ALG6: variants seen among roughly 807,000 people sequenced by gnomAD.
ALG6 encodes the protein ALG6 alpha-1,3-glucosyltransferase.
In ALG6, 46 loss-of-function variants were observed where a neutral mutation model predicts 66.6. The ratio of observed to expected loss-of-function variants is 0.69; its 90% confidence interval spans 0.55 to 0.88. The LOEUF (loss-of-function observed/expected upper bound fraction) is 0.88. Ranked by LOEUF, ALG6 falls within the 40% of genes least tolerant of loss-of-function variation. The pLI is 0.00. For missense variants in ALG6, 505 were observed against 586.8 expected (o/e 0.86, Z 1.44); for synonymous variants, 185 against 203.7 (o/e 0.91, Z 0.78).
At chr1:63,376,324 A>G (rs1648126601) in intron 2 of ALG6, among the ~76,000 whole-genome samples, 1 of 152,184 alleles carries the variant, frequency 6.6e-6, no homozygotes, top group Admixed American at 6.5e-5. Context: ...TGGGACCATC[A>G]TTGTTTATAC....
At chr1:63,422,139 A>G (rs1391246514) in intron 12 of ALG6, among the ~76,000 whole-genome samples, 55 of 56,090 alleles carry the variant, frequency 9.8e-4, no homozygotes, top group Non-Finnish European at 6.1e-4. Context: ...AAATATATAA[A>G]TATATATAAA....
At chr1:63,410,543 C>T (rs780391247) in intron 7 of ALG6, among the ~76,000 whole-genome samples, 2 of 152,088 alleles carry the variant, frequency 1.3e-5, no homozygotes, top group Admixed American at 6.6e-5. Context: ...GTGTGAGCCA[C>T]GACTTCTGGC....
At chr1:63,432,363 A>G (rs1029964977) in intron 14 of ALG6, among the ~76,000 whole-genome samples, 1 of 152,062 alleles carries the variant, frequency 6.6e-6, no homozygotes, top group Non-Finnish European at 1.5e-5. Flanking sequence ...ATCATGGTGT[A>G]TAATTCTTTT....
chr1:63,423,025 T>TTA lies in ALG6; in HGVS notation c.1058+3586_1058+3587insAT, dbSNP rs577212298. Among the ~76,000 whole-genome samples, 7 of 9,552 alleles carry TTA rather than the reference T, an allele frequency of 7.3e-4. No individual in the cohort carries two copies. In the African/African-American group the frequency reaches 8.6e-3, roughly 12 times the overall value. The allele number at this position is 9,552 out of a possible 152,430, so 6.3% of individuals were successfully genotyped here. ...CTAAAGACAAGTAGGGATAATGCAA[T>TTA]TTTTTTTTTTTTTTTTGAGGCAGGG... On this transcript the variant is annotated intron_variant, in intron 12 of 14. Coordinates refer to ENST00000263440, the MANE Select transcript of ALG6 (RefSeq NM_013339.4).
intron 7 of ALG6, among the ~76,000 whole-genome samples, chr1:63,410,224 A>T (rs1369899251): frequency 6.6e-6 from 1 of 152,012 alleles, no homozygotes; most frequent in African/African-American, 2.4e-5. Flanking sequence ...ATTATAACAG[A>T]TCCTCCCATT....
intron 11 of ALG6, 139 bp from the exon 12 acceptor site, chr1:63,419,231 G>T (rs1644561196): frequency 1.4e-6 from 1 of 715,950 alleles, no homozygotes; most frequent in African/African-American, 1.8e-5. Flanking sequence ...TACTAGTGTT[G>T]TTTGTATTTT....
chr1:63,389,737 A>G (rs1226727388), intron 2 of ALG6, among the ~76,000 whole-genome samples: 1 of 152,154 alleles, frequency 6.6e-6, no homozygotes, highest in Non-Finnish European at 1.5e-5. Flanking sequence ...CAAGTATTCA[A>G]AGGGAGTTGA....
rs60383332 is a variant in ALG6, at chr1:63,429,850, AGT to A, written c.1326+757_1326+758del. On this transcript the variant is annotated intron_variant, in intron 14 of 14. Coordinates refer to ENST00000263440, the MANE Select transcript of ALG6 (RefSeq NM_013339.4). Reference sequence around the variant, plus strand: ...TCTTTATGACTCGGTTCTTTCACTTAGTGTGTGTGTGTGTGTGTGTGTGTGTG... The same window carrying A: ...TCTTTATGACTCGGTTCTTTCACTTAGTGTGTGTGTGTGTGTGTGTGTGTG... 7.4e-3 allele frequency: 1,062 copies of A among 144,330 alleles called. 6 individuals are homozygous for A. Among genetic ancestry groups the A allele is most frequent in the African/African-American group, 0.012 (452 of 38,856 alleles). The allele number at this position is 144,330 out of a possible 1,614,324, so 8.9% of individuals were successfully genotyped here.
At chr1:63,396,714 T>G in intron 3 of ALG6, 117 bp downstream of exon 3, 1 of 887,400 alleles carries the variant, frequency 1.1e-6, no homozygotes. Context: ...TCTTGCATGC[T>G]GGTGCCACAT....
chr1:63,386,823 C>A (rs1570043530), intron 2 of ALG6, among the ~76,000 whole-genome samples: 1 of 152,098 alleles, frequency 6.6e-6, no homozygotes, highest in African/African-American at 2.4e-5. Flanking sequence ...ATTTCTTCTA[C>A]TAATTTTCTG....
intron 9 of ALG6, 104 bp downstream of exon 9, chr1:63,412,165 C>T (rs773533838): frequency 4.2e-5 from 63 of 1,501,788 alleles, no homozygotes; most frequent in Non-Finnish European, 5.4e-5. Flanking sequence ...AGCTACTTTC[C>T]TCCTGTAATC....
chr1:63,385,852 A>G (rs1006650395), intron 2 of ALG6, among the ~76,000 whole-genome samples: 2 of 145,570 alleles, frequency 1.4e-5, no homozygotes, highest in Non-Finnish European at 3.0e-5. Flanking sequence ...TAACAGCACT[A>G]TGTTGAATAA....
intron 2 of ALG6, among the ~76,000 whole-genome samples, chr1:63,389,777 A>G (rs1370997818): frequency 6.6e-6 from 1 of 152,128 alleles, no homozygotes; most frequent in Admixed American, 6.5e-5. Context: ...CTGCAGCCAT[A>G]TTTGCATTAG....
At chr1:63,373,893 AT>A (rs1648023328) in intron 2 of ALG6, among the ~76,000 whole-genome samples, 1 of 152,002 alleles carries the variant, frequency 6.6e-6, no homozygotes, top group South Asian at 2.1e-4. Context: ...AAGTACTGGG[AT>A]TATAGGTGTG....
intron 2 of ALG6, among the ~76,000 whole-genome samples, chr1:63,371,978 CAG>C (rs1033368027): frequency 6.6e-6 from 1 of 152,096 alleles, no homozygotes; most frequent in Admixed American, 6.6e-5. Flanking sequence ...GTGTGAGGTA[CAG>C]AGTTAATAGA....
chr1:63,392,767 A>G (rs1648709525), intron 2 of ALG6, among the ~76,000 whole-genome samples: 1 of 152,192 alleles, frequency 6.6e-6, no homozygotes, highest in African/African-American at 2.4e-5. Flanking sequence ...CTGTGGAAGG[A>G]ATCGTTTTTT....
intron 2 of ALG6, among the ~76,000 whole-genome samples, chr1:63,393,482 T>C (rs1648730927): frequency 6.6e-6 from 1 of 152,218 alleles, no homozygotes; most frequent in Non-Finnish European, 1.5e-5. Flanking sequence ...ACTGAAAGTA[T>C]AAGTATTGTG....
chr1:63,424,226 C>T (rs957878543), intron 12 of ALG6, among the ~76,000 whole-genome samples: 13 of 152,098 alleles, frequency 8.5e-5, no homozygotes, highest in Admixed American at 7.9e-4. Flanking sequence ...CTGCAACCTC[C>T]GCCTCCCGGG....
In ALG6 at chr1:63,404,487, C is replaced by T; in HGVS notation, c.292C>T (p.His98Tyr). 1 of 1,613,668 alleles carries T rather than the reference C, an allele frequency of 6.2e-7. No individual in the cohort carries two copies. Among genetic ancestry groups the T allele is most frequent in the Non-Finnish European group, 8.5e-7 (1 of 1,179,722 alleles). Residue 98 changes from histidine to tyrosine, a missense_variant, in exon 5 of 15, where the codon CAT (histidine) becomes TAT (tyrosine). Coordinates refer to ENST00000263440, the MANE Select transcript of ALG6 (RefSeq NM_013339.4). ...TATAAATCCAGACTGGATTGCTCTCCATACATCACGTGGATATGAGAGTCA... is the reference window on the plus strand; with the variant it reads ...TATAAATCCAGACTGGATTGCTCTCTATACATCACGTGGATATGAGAGTCA... ...KFINPDWIALHTSRGYESQAH... is the reference protein window; with the variant it reads ...KFINPDWIALYTSRGYESQAH...
Sources: gnomAD v4.1 joint callset for allele counts (sites outside exome capture counted in the v4.1 genomes callset) on GRCh38, gnomAD v4.1.1 for gene constraint, MANE v1.5 for transcripts, NCBI Gene and HGNC (gene_info 2026-07-23, HGNC 2026-07-21) for gene names.